LIPA: variants seen among roughly 807,000 people sequenced by gnomAD.
The protein encoded by LIPA is lysosomal acid lipase/cholesteryl ester hydrolase.
Under a neutral mutation model 40.6 loss-of-function variants are expected in LIPA, and 26 were observed. That is an observed-to-expected ratio of 0.64 (90% CI 0.47 to 0.89). The LOEUF (loss-of-function observed/expected upper bound fraction) is 0.89. Ranked by LOEUF, LIPA falls within the 40% of genes least tolerant of loss-of-function variation. LIPA has a pLI of 0.00. For synonymous variants in LIPA, 188 were observed against 168.4 expected (o/e 1.12, Z -0.90); for missense variants, 455 against 479.6 (o/e 0.95, Z 0.48).
intron 1 of LIPA, among the ~76,000 whole-genome samples, chr10:89,309,952 C>T (rs1449471868): frequency 1.3e-5 from 2 of 152,196 alleles, no homozygotes; most frequent in African/African-American, 4.8e-5. Context: ...CTCCTATGTG[C>T]TCATGAACCC....
intron 2 of LIPA, among the ~76,000 whole-genome samples, chr10:89,352,648 A>G (rs1399864889): frequency 6.6e-6 from 1 of 152,176 alleles, no homozygotes. Context: ...CCATTGTGGT[A>G]CAGAAAATTT....
chr10:89,305,901 C>T (rs1843474751), intron 1 of LIPA: 4 of 1,184,240 alleles, frequency 3.4e-6, no homozygotes, highest in Middle Eastern at 2.0e-4. Flanking sequence ...ATTTGCCATG[C>T]TCCCATTTCT....
intron 2 of LIPA, chr10:89,393,286 T>G (rs1844284977): frequency 1.6e-6 from 2 of 1,289,668 alleles, no homozygotes; most frequent in Admixed American, 4.6e-5. Flanking sequence ...GTTTTCGCAA[T>G]CAGGCTGAGC....
intron 1 of LIPA, among the ~76,000 whole-genome samples, chr10:89,250,098 C>CTTTCTTTTTTTTTTTT (rs1564767178): frequency 4.9e-5 from 5 of 101,680 alleles, no homozygotes; most frequent in Non-Finnish European, 7.8e-5. Context: ...TTTTTCTTTT[C>CTTTCTTTTTTTTTTTT]TTTTCTTTCT....
At chr10:89,336,576 T>A (rs955255058) in intron 1 of LIPA, among the ~76,000 whole-genome samples, 6 of 152,240 alleles carry the variant, frequency 3.9e-5, no homozygotes, top group African/African-American at 1.4e-4. Flanking sequence ...GCAAATAAAG[T>A]CAATGGCTCC....
intron 2 of LIPA, among the ~76,000 whole-genome samples, chr10:89,357,947 A>G (rs77652303): frequency 0.041 from 6,246 of 152,220 alleles, 422 homozygotes; most frequent in African/African-American, 0.14. Context: ...TGTGCTGGTA[A>G]GTTGCAGAAA....
intron 1 of LIPA, among the ~76,000 whole-genome samples, chr10:89,312,826 A>G (rs948030594): frequency 2.6e-5 from 4 of 151,872 alleles, no homozygotes; most frequent in African/African-American, 9.7e-5. Context: ...AAAAATAATA[A>G]TAATAATAAT....
At chr10:89,403,770 T>C in intron 2 of LIPA, 1 of 900,668 alleles carries the variant, frequency 1.1e-6, no homozygotes, top group Non-Finnish European at 1.7e-6. Context: ...CATTTACTAA[T>C]CATCTTTTCT....
At chr10:89,330,754 G>GT (rs1843641817) in intron 1 of LIPA, among the ~76,000 whole-genome samples, 1 of 85,852 alleles carries the variant, frequency 1.2e-5, no homozygotes, top group Non-Finnish European at 1.9e-5. Context: ...CTTCACTCAA[G>GT]ATGCCTGATA....
rs570229226 is a variant in LIPA, at chr10:89,392,926, T to C, written c.61+19865A>G. Reference sequence around the variant, plus strand: ...TAATGCATTTTTATGTTTGTTAGCATGAACTTGAGGAAGCTTACCTCATGC... The same window carrying C: ...TAATGCATTTTTATGTTTGTTAGCACGAACTTGAGGAAGCTTACCTCATGC... On this transcript the variant is annotated intron_variant, in intron 2 of 8. Transcript: ENST00000371837. Among the ~76,000 whole-genome samples, 15 of 152,298 alleles carry C rather than the reference T, an allele frequency of 9.8e-5. No individual in the cohort carries two copies. In the South Asian group the frequency reaches 3.1e-3, roughly 32 times the overall value.
intron 1 of LIPA, chr10:89,277,890 CTTG>C (rs1193129125): frequency 1.3e-5 from 2 of 152,166 alleles, no homozygotes; most frequent in Non-Finnish European, 2.9e-5. Flanking sequence ...TTTCCTTTCT[CTTG>C]TTTTCATTTG....
chr10:89,236,444 A>G (rs937360839), intron 3 of LIPA, among the ~76,000 whole-genome samples: 1 of 152,252 alleles, frequency 6.6e-6, no homozygotes, highest in East Asian at 1.9e-4. Context: ...TGCAGTTCTC[A>G]TATGTTTTTC....
chr10:89,412,912 C>T (rs1361696042), exon 2 of LIPA: 1 of 251,498 alleles, frequency 4.0e-6, no homozygotes, highest in African/African-American at 2.3e-5. Context: ...GTCACCAAGA[C>T]CAAAAACCTA....
chr10:89,287,142 C>A (rs4934464), intron 1 of LIPA, among the ~76,000 whole-genome samples: 47,380 of 152,150 alleles, frequency 0.31, 8,120 homozygotes, highest in Non-Finnish European at 0.39. Context: ...GACTTCTTCC[C>A]AGATCTTCTG....
At position 89,308,025 on chromosome 10, in the gene LIPA, G is replaced by C. The variant is rs2133523682; in HGVS notation, c.-2+34586C>G. The C allele has an allele frequency of 2.6e-5, 4 of 152,408 alleles. No homozygotes were observed. The South Asian group carries it at 8.3e-4, about 32-fold the overall frequency. 9.4% of individuals were successfully genotyped at this position (152,408 alleles called of 1,614,324 possible). Reference sequence around the variant, plus strand: ...GGAAGATACATAGCTAGAAGCGACGGGTACAAAAAGCAATGTGTACAAGAA... The same window carrying C: ...GGAAGATACATAGCTAGAAGCGACGCGTACAAAAAGCAATGTGTACAAGAA... On this transcript the variant is annotated intron_variant, in intron 1 of 5. Transcript: ENST00000282673.
chr10:89,260,273 A>G (rs555674464), intron 1 of LIPA, among the ~76,000 whole-genome samples: 1 of 152,346 alleles, frequency 6.6e-6, no homozygotes, highest in Admixed American at 6.5e-5. Context: ...GCTCTTCTTC[A>G]CTAACGAGAA....
intron 1 of LIPA, among the ~76,000 whole-genome samples, chr10:89,289,168 C>A (rs1166134449): frequency 6.6e-6 from 1 of 152,282 alleles, no homozygotes; most frequent in African/African-American, 2.4e-5. Flanking sequence ...TCTCTTCCCA[C>A]ACAAGGCAAA....
chr10:89,408,610 C>T (rs947384716), intron 2 of LIPA, among the ~76,000 whole-genome samples: 6 of 152,184 alleles, frequency 3.9e-5, no homozygotes, highest in African/African-American at 4.8e-5. Flanking sequence ...GGGTACATGT[C>T]CCCTGCTCCC....
At chr10:89,405,625 G>C (rs956913103) in intron 2 of LIPA, 6 of 152,188 alleles carry the variant, frequency 3.9e-5, no homozygotes, top group African/African-American at 9.7e-5. Flanking sequence ...GCCTTTTCCA[G>C]CTTCCAGAGG....
Sources: allele counts gnomAD v4.1 joint callset (sites outside exome capture counted in the v4.1 genomes callset), GRCh38; gene constraint gnomAD v4.1.1; transcripts MANE v1.5; gene names NCBI Gene and HGNC (gene_info 2026-07-23, HGNC 2026-07-21).